PLEKHA2: variants seen among roughly 807,000 people sequenced by gnomAD.
The protein encoded by PLEKHA2 is pleckstrin homology domain-containing family A member 2.
Under a neutral mutation model 53.2 loss-of-function variants are expected in PLEKHA2, and 28 were observed. The ratio of observed to expected loss-of-function variants is 0.53; its 90% confidence interval spans 0.39 to 0.72. The LOEUF is 0.72. PLEKHA2 is among the 30% of genes least tolerant of loss of function. PLEKHA2 has a pLI of 0.00. For missense variants in PLEKHA2, 426 were observed against 537.9 expected, an observed-to-expected ratio of 0.79 and a Z score of 2.06; for synonymous variants, 193 against 196.4, an observed-to-expected ratio of 0.98 and a Z score of 0.14.
Position 38,922,253 on chromosome 8 carries a change from G to A in PLEKHA2, c.141+4183G>A, listed in dbSNP as rs1239983596. ...AAGAAAGAGAAACCTGAGGACTCTC[G>A]GGGCTGGGAGGTCCTAGAAGGTAGG... is the stretch of plus-strand genomic sequence containing the variant. On this transcript the variant is annotated intron_variant, in intron 2 of 11. Coordinates refer to ENST00000617275, the MANE Select transcript of PLEKHA2 (RefSeq NM_021623.2). This position sits in a 1 kb window ranked among gnomAD's most constrained non-coding sequence, Gnocchi z 4.0. Among the ~76,000 whole-genome samples, 2 of 152,186 alleles carry A rather than the reference G, an allele frequency of 1.3e-5. No homozygotes were observed. Among genetic ancestry groups the A allele is most frequent in the South Asian group, 4.1e-4 (2 of 4,830 alleles).
intron 1 of PLEKHA2, chr8:38,901,745 C>T (rs28419696): frequency 0.61 from 91,708 of 149,726 alleles, 29,664 homozygotes; most frequent in Admixed American, 0.71. Context: ...GGTGGGGCCG[C>T]GGAGAGGGTG....
At chr8:38,927,578 T>G (rs1420981794) in intron 2 of PLEKHA2, among the ~76,000 whole-genome samples, 1 of 152,134 alleles carries the variant, frequency 6.6e-6, no homozygotes. Context: ...ATTGCATGTT[T>G]GGGGGAGGGG....
intron 4 of PLEKHA2, 60 bp from the exon 5 acceptor site, chr8:38,946,061 CTTG>C (rs1413493195): frequency 1.5e-6 from 2 of 1,329,728 alleles, no homozygotes; most frequent in Non-Finnish European, 2.1e-6. Context: ...TTTGTGGAGA[CTTG>C]TTGTATTGCT....
chr8:38,948,976 T>C (rs1004637121), intron 5 of PLEKHA2, among the ~76,000 whole-genome samples: 4 of 152,174 alleles, frequency 2.6e-5, no homozygotes, highest in African/African-American at 4.8e-5. Context: ...GTTCAAGCGA[T>C]TCTCCTGCCT....
Position 38,923,702 on chromosome 8 carries a change from ACAATTGGGGTGGGGAGAGCTGGGGG to A in PLEKHA2, c.141+5634_141+5658del, listed in dbSNP as rs548306126. 2.8e-4 allele frequency among the ~76,000 whole-genome samples: 42 copies of A among 152,266 alleles called. 1 individual carries two copies. The South Asian group carries it at 8.3e-3, about 30-fold the overall frequency. On this transcript the variant is annotated intron_variant, in intron 2 of 11. Coordinates refer to ENST00000617275, the MANE Select transcript of PLEKHA2 (RefSeq NM_021623.2). ...GTTTACACTGTATTTGGGGAAACAG[ACAATTGGGGTGGGGAGAGCTGGGGG>A]CCCCCCTTCATAGAGGAGGTGTCAC...
intron 2 of PLEKHA2, among the ~76,000 whole-genome samples, chr8:38,933,940 A>AGTGCAGAG: frequency 6.6e-6 from 1 of 152,120 alleles, no homozygotes; most frequent in Non-Finnish European, 1.5e-5. Flanking sequence ...GAAGAACGTG[A>AGTGCAGAG]GTGCAGAGTC....
chr8:38,929,348 G>A (rs564649868), intron 2 of PLEKHA2, among the ~76,000 whole-genome samples: 87 of 152,364 alleles, frequency 5.7e-4, no homozygotes, highest in African/African-American at 2.1e-3. Context: ...AGTTGGACAA[G>A]TTCCTGCCCT....
intron 2 of PLEKHA2, among the ~76,000 whole-genome samples, chr8:38,923,736 C>T (rs1472266165): frequency 6.6e-6 from 1 of 152,116 alleles, no homozygotes; most frequent in African/African-American, 2.4e-5. Context: ...GGCCCCCCTT[C>T]ATAGAGGAGG....
Position 38,954,530 on chromosome 8 carries a change from C to CAGAG in PLEKHA2, c.773+1163_773+1164insAGAG, listed in dbSNP as rs1287566279. ...AGAATGCCTTGAACTTTCTCTAACT[C>CAGAG]TCTAACTCTGCCAGAGTCACACTAA... On this transcript the variant is annotated intron_variant, in intron 9 of 11. Coordinates refer to ENST00000617275, the MANE Select transcript of PLEKHA2 (RefSeq NM_021623.2). Among the ~76,000 whole-genome samples the CAGAG allele has an allele frequency of 1.8e-4, 27 of 152,234 alleles. 1 individual carries two copies. The highest frequency in any genetic ancestry group is 2.6e-4 in the Admixed American group (4 of 15,288).
In PLEKHA2 at chr8:38,943,810, C is replaced by G. The variant is rs1304833131; in HGVS notation, c.220C>G (p.Gln74Glu). 3.2e-6 allele frequency: 5 copies of G among 1,581,348 alleles called. No homozygotes were observed. The African/African-American group carries it at 6.7e-5, about 21-fold the overall frequency. ...TTAGGTGAGCATAGCTACCCCAAAA[C>G]AGAAACCAAAAACTCCATTTTGCTT... ...ISKVSIATPK[Q>E]KPKTPFCFVI... is the part of the protein sequence containing the mutation. The change falls in exon 4 of 12, where the codon CAG becomes GAG. Residue 74 changes from glutamine (Q) to glutamate (E), a missense_variant. Physicochemically the swap from Gln to Glu is conservative, Grantham distance 29. Coordinates refer to ENST00000617275, the MANE Select transcript of PLEKHA2 (RefSeq NM_021623.2).
At chr8:38,921,593 T>C (rs772266018) in intron 2 of PLEKHA2, among the ~76,000 whole-genome samples, 14 of 152,356 alleles carry the variant, frequency 9.2e-5, no homozygotes, top group Non-Finnish European at 1.2e-4. Context: ...GGCTGCCTTC[T>C]AAGCTCTCTG....
In PLEKHA2 at chr8:38,969,487, A is replaced by C. The variant is rs1243501666; in HGVS notation, c.982A>C (p.Asn328His). 12 of 1,613,694 alleles carry C rather than the reference A, an allele frequency of 7.4e-6. No homozygotes were observed. The highest frequency in any genetic ancestry group is 1.3e-5 in the African/African-American group (1 of 74,884). The change falls in exon 12 of 12, where the codon AAC becomes CAC. Residue 328 changes from asparagine (N) to histidine (H), a missense_variant. Transcript: ENST00000617275. ...PGSSSLSSGP[N>H]SILCRGRPPL... ...AAGCTCCAGCCTTTCAAGTGGGCCC[A>C]ACTCTATCCTGTGCAGGGGGCGGCC...
At chr8:38,949,777 T>A (rs1834791496) in intron 5 of PLEKHA2, among the ~76,000 whole-genome samples, 1 of 152,272 alleles carries the variant, frequency 6.6e-6, no homozygotes, top group Non-Finnish European at 1.5e-5. Context: ...TACTCTATCA[T>A]TTGATAACCA....
Position 38,971,645 on chromosome 8 carries a change from C to T in PLEKHA2, c.*1862C>T, listed in dbSNP as rs1009381888. On this transcript the variant is annotated 3_prime_UTR_variant, in exon 12 of 12. Coordinates refer to ENST00000617275, the MANE Select transcript of PLEKHA2 (RefSeq NM_021623.2). ...AATCTACCCATTTATCTCTCTCTCT[C>T]TCTTTTCTTTTAAATAAATTATCTG... The T allele has an allele frequency of 6.6e-5, 10 of 152,196 alleles. No homozygotes were observed. The highest frequency in any genetic ancestry group is 6.5e-4 in the Admixed American group (10 of 15,272). 9.4% of individuals were successfully genotyped at this position (152,196 alleles called of 1,614,324 possible). A position where few individuals can be genotyped will look rare whatever the true frequency, so the allele number is the denominator to read the frequency against.
At chr8:38,953,512 C>A in intron 9 of PLEKHA2, 145 bp downstream of exon 9, 1 of 835,244 alleles carries the variant, frequency 1.2e-6, no homozygotes, top group Non-Finnish European at 2.0e-6. Context: ...GGCTGACTCA[C>A]TGCATCCAAG....
intron 3 of PLEKHA2, among the ~76,000 whole-genome samples, chr8:38,938,212 A>T (rs571011072): frequency 6.6e-6 from 1 of 152,226 alleles, no homozygotes; most frequent in East Asian, 1.9e-4. Flanking sequence ...GGGCTCATGG[A>T]TCCTTTTTTG....
At chr8:38,924,572 C>T (rs1489924019) in intron 2 of PLEKHA2, among the ~76,000 whole-genome samples, 1 of 152,160 alleles carries the variant, frequency 6.6e-6, no homozygotes, top group Non-Finnish European at 1.5e-5. Context: ...GCTGGGCTTT[C>T]GTGTGCCTGC....
chr8:38,907,676 G>A (rs556336684), intron 1 of PLEKHA2, among the ~76,000 whole-genome samples: 14 of 151,162 alleles, frequency 9.3e-5, no homozygotes, highest in African/African-American at 2.7e-4. Context: ...TGGGAGGATC[G>A]CATGAGCCCA....
rs1206279491 is a variant in PLEKHA2 at position 38,918,814 on chromosome 8, C to T, written c.141+744C>T. On this transcript the variant is annotated intron_variant, in intron 2 of 11. Transcript: ENST00000617275. ...TACACACATACTATACACACCCATC[C>T]ACACACACACAGAAAACCATCTCAG... Among the ~76,000 whole-genome samples the T allele has an allele frequency of 2.0e-5, 3 of 151,852 alleles. No homozygotes were observed. The East Asian group carries it at 5.8e-4, about 29-fold the overall frequency.
Sources: allele counts gnomAD v4.1 joint callset (sites outside exome capture counted in the v4.1 genomes callset), GRCh38; gene constraint gnomAD v4.1.1; non-coding constraint Gnocchi (gnomAD v3.1); transcripts MANE v1.5; gene names NCBI Gene and HGNC (gene_info 2026-07-23, HGNC 2026-07-21).